Variants in ZFHX4 observed in about 807,000 individuals in gnomAD.
The protein encoded by ZFHX4 is zinc finger homeobox protein 4.
Under a neutral mutation model 267.6 loss-of-function variants are expected in ZFHX4, and 56 were observed. The ratio of observed to expected loss-of-function variants is 0.21; its 90% CI spans 0.17 to 0.26. The LOEUF (loss-of-function observed/expected upper bound fraction) is 0.26, where lower values mean the gene tolerates loss of function less well. ZFHX4 is among the 10% of genes least tolerant of loss of function. The probability of loss-of-function intolerance (pLI) is 1.00; values close to 1 mark genes in which losing one functional copy is unlikely to be tolerated. For missense variants in ZFHX4, 4,332 were observed against 4,420.0 expected, an observed-to-expected ratio of 0.98 and a Z score of 0.56; for synonymous variants, 1,778 against 1,665.6, an observed-to-expected ratio of 1.07 and a Z score of -1.64.
At chr8:76,857,922 A>G (rs1812774952) in intron 10 of ZFHX4, among the ~76,000 whole-genome samples, 1 of 152,046 alleles carries the variant, frequency 6.6e-6, no homozygotes, top group Non-Finnish European at 1.5e-5. Flanking sequence ...ACTCAGAAAA[A>G]TATCTTATAT....
chr8:76,724,684 T>G (rs887711059), intron 3 of ZFHX4, among the ~76,000 whole-genome samples: 8 of 152,106 alleles, frequency 5.3e-5, no homozygotes, highest in Admixed American at 3.3e-4. Context: ...TAAGAATATC[T>G]TTTGGTAAAT....
Position 76,705,117 on chromosome 8 carries a change from T to A in ZFHX4, c.1029T>A (p.Ser343=). 1.9e-6 allele frequency: 3 copies of A among 1,613,656 alleles called. No homozygotes were observed. In the South Asian group the frequency reaches 3.3e-5, roughly 18 times the overall value. The part of the protein sequence containing the change: ...ISFLEPKKST[S]VYPHFSTTNL... ...TTCTGGAACCAAAAAAATCCACTTCTGTTTATCCCCATTTTTCTACTACAA... is the reference window on the plus strand; with the variant it reads ...TTCTGGAACCAAAAAAATCCACTTCAGTTTATCCCCATTTTTCTACTACAA... The change falls in exon 2 of 11, where the codon TCT becomes TCA. Residue 343 remains serine, a synonymous_variant. Coordinates refer to ENST00000651372, the MANE Select transcript of ZFHX4 (RefSeq NM_024721.5).
chr8:76,716,551 T>TTAA (rs1420458805), intron 3 of ZFHX4, among the ~76,000 whole-genome samples: 1 of 151,290 alleles, frequency 6.6e-6, no homozygotes, highest in Non-Finnish European at 1.5e-5. Flanking sequence ...CTAGCCCACA[T>TTAA]TAATAAGGTT....
rs996699604 is a variant in ZFHX4 at position 76,866,226 on chromosome 8, T to G, written c.*1661T>G. 6.6e-6 allele frequency: 1 copy of G among 152,642 alleles called. No homozygotes were observed. The highest frequency in any genetic ancestry group is 2.4e-5 in the African/African-American group (1 of 41,462). 9.5% of individuals were successfully genotyped at this position (152,642 alleles called of 1,614,324 possible). ...TGTGCATGGTACAAATTTATTAATATGAAGAAATGCAAAATGTATTGCTTT... is the reference window on the plus strand; with the variant it reads ...TGTGCATGGTACAAATTTATTAATAGGAAGAAATGCAAAATGTATTGCTTT... On this transcript the variant is annotated 3_prime_UTR_variant, in exon 11 of 11. Transcript: ENST00000651372.
Position 76,704,626 on chromosome 8 carries a change from T to C in ZFHX4, c.538T>C (p.Ser180Pro). Residue 180 changes from serine (S) to proline (P), a missense_variant, in exon 2 of 11, where the codon TCT becomes CCT. This residue lies in a region of ZFHX4 where 1,195 missense variants were observed against 1,173.6 expected (regional missense o/e 1.02). Coordinates refer to ENST00000651372, the MANE Select transcript of ZFHX4 (RefSeq NM_024721.5). ...ATCTGCTGGAGAGAAGAGTGATCAG[T>C]CTGCTTCTGCACCTATGTCGTTCTA... ...LASAGEKSDQ[S>P]ASAPMSFYPQ... is the part of the protein sequence containing the mutation. 6.2e-7 allele frequency: 1 copy of C among 1,614,032 alleles called. No homozygotes were observed. The highest frequency in any genetic ancestry group is 8.5e-7 in the Non-Finnish European group (1 of 1,179,898).
intron 3 of ZFHX4, among the ~76,000 whole-genome samples, chr8:76,754,266 T>C (rs982301699): frequency 2.0e-5 from 3 of 152,092 alleles, no homozygotes; most frequent in African/African-American, 7.2e-5. Flanking sequence ...GAATGGTGGA[T>C]TGCCTGAGGT....
intron 3 of ZFHX4, among the ~76,000 whole-genome samples, chr8:76,735,570 C>T (rs1049583785): frequency 3.9e-5 from 6 of 152,058 alleles, no homozygotes; most frequent in Admixed American, 2.0e-4. Flanking sequence ...GGTTTTAAAA[C>T]TGTAAAGAAA....
chr8:76,863,874 G>A lies in ZFHX4; in HGVS notation c.10160G>A (p.Ser3387Asn). 3.2e-6 allele frequency: 5 copies of A among 1,562,314 alleles called. No homozygotes were observed. The highest frequency in any genetic ancestry group is 1.2e-5 in the South Asian group (1 of 85,056). ...TKEEPQLESK[S>N]ADFSDTYVVP... ...GAAGAACCCCAGTTAGAATCCAAAA[G>A]TGCAGACTTTTCAGACACTTACGTT... Residue 3387 changes from serine to asparagine, a missense_variant, in exon 11 of 11, where the codon AGT (serine) becomes AAT (asparagine). Ser to Asn is a conservative substitution (Grantham distance 46). Coordinates refer to ENST00000651372, the MANE Select transcript of ZFHX4 (RefSeq NM_024721.5).
chr8:76,811,929 A>G (rs192657758), intron 4 of ZFHX4, among the ~76,000 whole-genome samples: 149 of 152,344 alleles, frequency 9.8e-4, no homozygotes, highest in African/African-American at 3.4e-3. Flanking sequence ...CGTCTCAAAA[A>G]AAATAAAAAA....
intron 3 of ZFHX4, among the ~76,000 whole-genome samples, chr8:76,754,702 A>G (rs2131715893): frequency 6.6e-6 from 1 of 152,272 alleles, no homozygotes; most frequent in Admixed American, 6.5e-5. Flanking sequence ...TGTGTTGAGA[A>G]CGTTCAAAAT....
chr8:76,749,773 A>T (rs991456250), intron 3 of ZFHX4, among the ~76,000 whole-genome samples: 12 of 152,180 alleles, frequency 7.9e-5, no homozygotes, highest in African/African-American at 2.9e-4. Flanking sequence ...TGTTTTGAGG[A>T]TAGAGTAGGA....
intron 4 of ZFHX4, among the ~76,000 whole-genome samples, chr8:76,800,739 C>T (rs1811098573): frequency 6.6e-6 from 1 of 152,148 alleles, no homozygotes; most frequent in Non-Finnish European, 1.5e-5. Flanking sequence ...GATTATAAAA[C>T]TTAAGTGCAC....
chr8:76,735,050 T>C (rs1809122724), intron 3 of ZFHX4, among the ~76,000 whole-genome samples: 1 of 152,140 alleles, frequency 6.6e-6, no homozygotes, highest in Non-Finnish European at 1.5e-5. Flanking sequence ...GGTTATGATC[T>C]GATTGATAGA....
chr8:76,729,130 A>G (rs1326951154), intron 3 of ZFHX4, among the ~76,000 whole-genome samples: 1 of 152,198 alleles, frequency 6.6e-6, no homozygotes, highest in Non-Finnish European at 1.5e-5. Context: ...TAGGACACAT[A>G]CAATCATAAA....
chr8:76,742,683 G>A (rs1482408786), intron 3 of ZFHX4, among the ~76,000 whole-genome samples: 1 of 152,182 alleles, frequency 6.6e-6, no homozygotes, highest in East Asian at 1.9e-4. Context: ...ACACTTAATT[G>A]AACAGTATTT....
chr8:76,729,698 A>G (rs947340357), intron 3 of ZFHX4, among the ~76,000 whole-genome samples: 1 of 152,106 alleles, frequency 6.6e-6, no homozygotes, highest in South Asian at 2.1e-4. Context: ...TCTTTGTTGT[A>G]TGTTATAAAA....
intron 5 of ZFHX4, among the ~76,000 whole-genome samples, chr8:76,837,584 T>C (rs2733735): frequency 0.56 from 84,538 of 151,836 alleles, 25,015 homozygotes; most frequent in African/African-American, 0.77. Context: ...TGGGGTAGCA[T>C]GTGGACTCTT....
At chr8:76,742,553 A>T (rs1267178733) in intron 3 of ZFHX4, among the ~76,000 whole-genome samples, 2 of 152,326 alleles carry the variant, frequency 1.3e-5, no homozygotes, top group East Asian at 3.9e-4. Flanking sequence ...TAACTCATTA[A>T]ATCAAAGTGA....
chr8:76,712,647 CA>C (rs1808457041), intron 3 of ZFHX4, among the ~76,000 whole-genome samples: 1 of 151,934 alleles, frequency 6.6e-6, no homozygotes, highest in Non-Finnish European at 1.5e-5. Flanking sequence ...TCTAAGAAAC[CA>C]AAACAAGTTT....
Sources: allele counts gnomAD v4.1 joint callset (sites outside exome capture counted in the v4.1 genomes callset), GRCh38; gene constraint gnomAD v4.1.1; regional missense constraint gnomAD v4.1.1; transcripts MANE v1.5; gene names NCBI Gene and HGNC (gene_info 2026-07-23, HGNC 2026-07-21).